IL1RAPL2: variants seen among roughly 807,000 people sequenced by gnomAD.
IL1RAPL2 encodes interleukin 1 receptor accessory protein like 2.
A neutral mutation model predicts 44.1 loss-of-function variants in IL1RAPL2; 3 were observed. That is an observed-to-expected ratio of 0.07 (90% CI 0.03 to 0.18). The LOEUF is 0.18. Ranked by LOEUF, IL1RAPL2 falls within the 10% of genes least tolerant of loss-of-function variation. The pLI is 1.00. For synonymous variants in IL1RAPL2, 181 were observed against 178.8 expected, an observed-to-expected ratio of 1.01 and a Z score of -0.10; for missense variants, 391 against 496.4, an observed-to-expected ratio of 0.79 and a Z score of 2.02.
intron 2 of IL1RAPL2, among the ~76,000 whole-genome samples, chrX:105,018,513 G>A (rs969762551): frequency 1.8e-5 from 2 of 111,040 alleles, no homozygotes; most frequent in African/African-American, 3.3e-5. Flanking sequence ...CAGTATTTGT[G>A]TTCCTCTCTA....
intron 4 of IL1RAPL2, among the ~76,000 whole-genome samples, chrX:105,257,456 T>C (rs1422166469): frequency 9.0e-6 from 1 of 111,663 alleles, no homozygotes; most frequent in African/African-American, 3.3e-5. Flanking sequence ...TGAGATCCAT[T>C]TGGTCCAATG....
At chrX:105,152,529 C>T (rs867819435) in intron 2 of IL1RAPL2, among the ~76,000 whole-genome samples, 5 of 112,256 alleles carry the variant, frequency 4.5e-5, no homozygotes, top group Non-Finnish European at 3.8e-5. Flanking sequence ...AATCTTCTGA[C>T]TATCCATATG....
At chrX:104,746,525 A>T (rs966156852) in intron 2 of IL1RAPL2, among the ~76,000 whole-genome samples, 2 of 111,760 alleles carry the variant, frequency 1.8e-5, no homozygotes, top group African/African-American at 6.5e-5. Context: ...TCATCTTTAG[A>T]ATAGTGATCT....
chrX:105,044,872 A>T (rs1446475897), intron 2 of IL1RAPL2, among the ~76,000 whole-genome samples: 2 of 111,066 alleles, frequency 1.8e-5, no homozygotes, highest in Non-Finnish European at 3.8e-5. Flanking sequence ...AAACAGGGAA[A>T]ATAAGGGAAA....
intron 2 of IL1RAPL2, among the ~76,000 whole-genome samples, chrX:105,151,530 CG>C (rs1340255662): frequency 9.2e-6 from 1 of 108,381 alleles, no homozygotes; most frequent in African/African-American, 3.4e-5. Flanking sequence ...TTTGTTTTTT[CG>C]TTTTTTTGGT....
intron 6 of IL1RAPL2, among the ~76,000 whole-genome samples, chrX:105,606,311 A>G (rs951199088): frequency 1.8e-5 from 2 of 111,809 alleles, no homozygotes; most frequent in Admixed American, 1.9e-4. Flanking sequence ...AGCGCTCAAC[A>G]TCACTGATCA....
At chrX:105,390,059 A>G (rs149303606) in intron 5 of IL1RAPL2, among the ~76,000 whole-genome samples, 2,069 of 111,604 alleles carry the variant, frequency 0.019, 23 homozygotes, top group Non-Finnish European at 0.026. Context: ...CTACTCATCT[A>G]TCTTCAAATC....
At chrX:105,717,222 T>G in intron 6 of IL1RAPL2, 145 bp from the exon 7 acceptor site, 1 of 408,329 alleles carries the variant, frequency 2.4e-6, no homozygotes, top group Admixed American at 4.2e-5. Context: ...TTTAAAATTT[T>G]TCCCAGGTAC....
At chrX:105,143,307 A>G (rs1376002738) in intron 2 of IL1RAPL2, among the ~76,000 whole-genome samples, 1 of 112,163 alleles carries the variant, frequency 8.9e-6, no homozygotes, top group East Asian at 2.8e-4. Flanking sequence ...CACTTCTCAA[A>G]AGAAGACATT....
chrX:105,501,378 C>T (rs759282630), intron 6 of IL1RAPL2, among the ~76,000 whole-genome samples: 17 of 111,457 alleles, frequency 1.5e-4, no homozygotes, highest in Non-Finnish European at 3.2e-4. Context: ...AATCCTAGCA[C>T]TTTGAGAGGC....
chrX:104,916,997 T>C (rs1447704651), intron 2 of IL1RAPL2, among the ~76,000 whole-genome samples: 2 of 111,878 alleles, frequency 1.8e-5, no homozygotes, highest in Non-Finnish European at 3.8e-5. Flanking sequence ...ATTTTTGCAT[T>C]GATGTTCATC....
intron 2 of IL1RAPL2, among the ~76,000 whole-genome samples, chrX:105,061,361 T>C (rs1333927608): frequency 8.9e-6 from 1 of 111,952 alleles, no homozygotes; most frequent in African/African-American, 3.2e-5. Flanking sequence ...AAATTCCTCA[T>C]GTTATTTATT....
chrX:105,292,048 TC>T (rs2034617241), intron 5 of IL1RAPL2, among the ~76,000 whole-genome samples: 1 of 111,058 alleles, frequency 9.0e-6, no homozygotes, highest in African/African-American at 3.3e-5. Context: ...TGGAATGAAT[TC>T]CCTGCATATA....
At chrX:104,651,779 C>T (rs905404767) in intron 1 of IL1RAPL2, among the ~76,000 whole-genome samples, 3 of 111,308 alleles carry the variant, frequency 2.7e-5, no homozygotes, top group East Asian at 2.8e-4. Context: ...AGAATGGGCA[C>T]GTTGTTCAAG....
chrX:104,569,909 G>A (rs1430372709), intron 1 of IL1RAPL2, among the ~76,000 whole-genome samples: 1 of 112,327 alleles, frequency 8.9e-6, no homozygotes, highest in Admixed American at 9.4e-5. Context: ...GCACTATGAT[G>A]AAACCAAAGG....
intron 2 of IL1RAPL2, among the ~76,000 whole-genome samples, chrX:105,123,731 G>C (rs764249112): frequency 4.5e-5 from 5 of 111,250 alleles, no homozygotes; most frequent in Non-Finnish European, 9.5e-5. Flanking sequence ...ATTCAAAGCT[G>C]TATGTGCTAG....
At chrX:104,757,597 T>C (rs1242553041) in intron 2 of IL1RAPL2, among the ~76,000 whole-genome samples, 1 of 111,518 alleles carries the variant, frequency 9.0e-6, no homozygotes, top group Non-Finnish European at 1.9e-5. Flanking sequence ...TTTAAAGTAG[T>C]ATGCATATAA....
At chrX:105,301,623 A>G (rs1322153259) in intron 5 of IL1RAPL2, among the ~76,000 whole-genome samples, 1 of 110,729 alleles carries the variant, frequency 9.0e-6, no homozygotes, top group Non-Finnish European at 1.9e-5. Context: ...AACATGCCAC[A>G]TTCGTCTTTC....
intron 5 of IL1RAPL2, among the ~76,000 whole-genome samples, chrX:105,273,789 C>T (rs188236101): frequency 0.015 from 1,671 of 111,970 alleles, 29 homozygotes; most frequent in African/African-American, 0.051. Flanking sequence ...AATGTATATG[C>T]TTTTCTCCAA....
Sources: gnomAD v4.1 joint callset for allele counts (sites outside exome capture counted in the v4.1 genomes callset) on GRCh38, gnomAD v4.1.1 for gene constraint, MANE v1.5 for transcripts, NCBI Gene and HGNC (gene_info 2026-07-23, HGNC 2026-07-21) for gene names.